KIF16B: variants seen among roughly 807,000 people sequenced by gnomAD.
The protein encoded by KIF16B is kinesin family member 16B.
A neutral mutation model predicts 156.3 loss-of-function variants in KIF16B; 98 were observed. That is an observed-to-expected ratio of 0.63 (90% CI 0.53 to 0.74). The LOEUF is 0.74. Among genes scored for constraint, KIF16B ranks in the 30% least tolerant of loss-of-function variants. The pLI is 0.00. For missense variants in KIF16B, 1,421 were observed against 1,606.5 expected, an observed-to-expected ratio of 0.88 and a Z score of 1.97; for synonymous variants, 564 against 583.7, an observed-to-expected ratio of 0.97 and a Z score of 0.49.
intron 17 of KIF16B, among the ~76,000 whole-genome samples, chr20:16,388,557 C>T (rs930683064): frequency 1.3e-5 from 2 of 151,988 alleles, no homozygotes; most frequent in African/African-American, 4.8e-5. Context: ...GTGTTTTTAA[C>T]ATTTTTAAAT....
chr20:16,389,220 C>T (rs1009690573), intron 17 of KIF16B, among the ~76,000 whole-genome samples: 2 of 152,052 alleles, frequency 1.3e-5, no homozygotes, highest in African/African-American at 2.4e-5. Context: ...GGCATGTGAC[C>T]CATGCAGCTG....
chr20:16,322,222 C>T (rs2063782597), intron 24 of KIF16B, among the ~76,000 whole-genome samples: 1 of 151,898 alleles, frequency 6.6e-6, no homozygotes, highest in Non-Finnish European at 1.5e-5. Flanking sequence ...GACTAAGTCA[C>T]TAAAAAATGA....
intron 12 of KIF16B, among the ~76,000 whole-genome samples, chr20:16,463,319 AAAACATGTTGAAGGCAGTTTCCTTATTTC>A (rs2067399506): frequency 6.6e-6 from 1 of 152,322 alleles, no homozygotes; most frequent in South Asian, 2.1e-4. Flanking sequence ...TCAGAACCAC[AAAACATGTTGAAGGCAGTTTCCTTATTTC>A]AAGATGGCAA....
In KIF16B at chr20:16,362,407, G is replaced by C. The variant is rs193120381; in HGVS notation, c.3499-5955C>G. On this transcript the variant is annotated intron_variant, in intron 22 of 25. Transcript: ENST00000354981. ...TAAGATCCATGCAAGGAAATAAAAG[G>C]AATTGAAAAGAAACTTGTAAGGCAA... Among the ~76,000 whole-genome samples the C allele has an allele frequency of 2.0e-5, 3 of 152,288 alleles. No individual in the cohort carries two copies. In the East Asian group the frequency reaches 5.8e-4, roughly 29 times the overall value.
chr20:16,539,632 A>G (rs1183144212), intron 1 of KIF16B, among the ~76,000 whole-genome samples: 1 of 152,176 alleles, frequency 6.6e-6, no homozygotes, highest in African/African-American at 2.4e-5. Context: ...AAGCTTCCTG[A>G]GGCCTCCCCA....
At chr20:16,441,454 G>A (rs1056485352) in intron 12 of KIF16B, among the ~76,000 whole-genome samples, 3 of 152,100 alleles carry the variant, frequency 2.0e-5, no homozygotes, top group African/African-American at 4.8e-5. Context: ...AGGCCTAATC[G>A]CATGGATCTC....
intron 17 of KIF16B, among the ~76,000 whole-genome samples, chr20:16,389,830 A>C (rs150792027): frequency 6.6e-6 from 1 of 152,208 alleles, no homozygotes; most frequent in Non-Finnish European, 1.5e-5. Flanking sequence ...TCAGGTTTCC[A>C]GCTCTTCATG....
chr20:16,469,528 T>G (rs2067597510), intron 12 of KIF16B, among the ~76,000 whole-genome samples: 1 of 120,108 alleles, frequency 8.3e-6, no homozygotes, highest in Non-Finnish European at 1.8e-5. Context: ...TTAGAATAGA[T>G]CAAAAATCAA....
chr20:16,452,040 G>C (rs1245706028), intron 12 of KIF16B, among the ~76,000 whole-genome samples: 1 of 152,086 alleles, frequency 6.6e-6, no homozygotes, highest in Non-Finnish European at 1.5e-5. Context: ...GCATGGGAGG[G>C]GGGCACCAGG....
chr20:16,424,969 A>T (rs1462188077), intron 15 of KIF16B, among the ~76,000 whole-genome samples: 1 of 152,186 alleles, frequency 6.6e-6, no homozygotes, highest in African/African-American at 2.4e-5. Flanking sequence ...ACTGAAATAC[A>T]GATATTTCAC....
intron 23 of KIF16B, among the ~76,000 whole-genome samples, chr20:16,341,109 A>G (rs1009519146): frequency 9.9e-5 from 15 of 152,180 alleles, no homozygotes; most frequent in African/African-American, 3.6e-4. Context: ...CCAATGTGGA[A>G]AGAACTTAGC....
In KIF16B at chr20:16,510,978, C is replaced by T. The variant is rs749850379; in HGVS notation, c.556+440G>A. Among the ~76,000 whole-genome samples, 8 of 152,186 alleles carry T rather than the reference C, an allele frequency of 5.3e-5. No individual in the cohort carries two copies. In the East Asian group the frequency reaches 7.7e-4, roughly 15 times the overall value. Reference sequence around the variant, plus strand: ...TCACAACTGACTGTGCCACAACGAGCGTATCACAACACAGATGCTGAAACC... The same window carrying T: ...TCACAACTGACTGTGCCACAACGAGTGTATCACAACACAGATGCTGAAACC... On this transcript the variant is annotated intron_variant, in intron 6 of 25. Transcript: ENST00000354981.
chr20:16,316,083 C>T (rs2063693746), intron 24 of KIF16B, among the ~76,000 whole-genome samples: 1 of 152,198 alleles, frequency 6.6e-6, no homozygotes, highest in African/African-American at 2.4e-5. Flanking sequence ...GCCACTTAGG[C>T]CTTGCTATCT....
intron 23 of KIF16B, among the ~76,000 whole-genome samples, chr20:16,342,290 T>C (rs1463517244): frequency 6.6e-6 from 1 of 151,574 alleles, no homozygotes; most frequent in Non-Finnish European, 1.5e-5. Flanking sequence ...TATAAGCTAT[T>C]TGTCTTTGGT....
chr20:16,532,068 C>CA (rs34843252), intron 1 of KIF16B, among the ~76,000 whole-genome samples: 23,414 of 99,072 alleles, frequency 0.24, 2,331 homozygotes, highest in East Asian at 0.4. Flanking sequence ...AACTCCGTCT[C>CA]AAAAAAAAAA....
chr20:16,277,397 G>C (rs1361942075), intron 25 of KIF16B, among the ~76,000 whole-genome samples: 1 of 151,054 alleles, frequency 6.6e-6, no homozygotes, highest in Non-Finnish European at 1.5e-5. Flanking sequence ...GTTTCCTGTA[G>C]AGATTTACAC....
chr20:16,338,399 T>C (rs1331783156), intron 23 of KIF16B, among the ~76,000 whole-genome samples: 1 of 152,190 alleles, frequency 6.6e-6, no homozygotes, highest in Non-Finnish European at 1.5e-5. Flanking sequence ...TTCACCCTGG[T>C]TGCTTCCCCA....
chr20:16,573,417 G>A lies in KIF16B; in HGVS notation c.-142C>T, dbSNP rs1418300648. On this transcript the variant is annotated 5_prime_UTR_variant, in exon 1 of 26. Transcript: ENST00000354981. The stretch of plus-strand genomic sequence containing the variant: ...TGCTCCCGGCCGGACCTGGAGTTCC[G>A]CGGCAGCCCCACCTGCCAGGCCACT... The A allele has an allele frequency of 2.2e-6, 2 of 917,206 alleles. No individual in the cohort carries two copies. The highest frequency in any genetic ancestry group is 3.3e-6 in the Non-Finnish European group (2 of 606,604). 56.8% of individuals were successfully genotyped at this position (917,206 alleles called of 1,614,324 possible).
At chr20:16,350,265 C>A (rs2064310250) in intron 23 of KIF16B, among the ~76,000 whole-genome samples, 1 of 152,190 alleles carries the variant, frequency 6.6e-6, no homozygotes, top group African/African-American at 2.4e-5. Flanking sequence ...TGCCCTGCAG[C>A]CATGTGAGAA....
Sources: allele counts gnomAD v4.1 joint callset (sites outside exome capture counted in the v4.1 genomes callset), GRCh38; gene constraint gnomAD v4.1.1; transcripts MANE v1.5; gene names NCBI Gene and HGNC (gene_info 2026-07-23, HGNC 2026-07-21).